Variants in RPTOR observed in about 807,000 individuals in gnomAD.
The protein encoded by RPTOR is regulatory associated protein of MTOR complex 1.
RPTOR carries 21 observed loss-of-function variants against 169.9 expected under a neutral mutation model. The ratio of observed to expected loss-of-function variants is 0.12; its 90% confidence interval spans 0.09 to 0.18. The LOEUF is 0.18. Ranked by LOEUF, RPTOR falls within the 10% of genes least tolerant of loss-of-function variation. The pLI is 1.00. For missense variants in RPTOR, 1,133 were observed against 1,855.9 expected (o/e 0.61, Z 7.16); for synonymous variants, 732 against 753.2 (o/e 0.97, Z 0.46).
chr17:80,840,645 C>T (rs1337822239), intron 10 of RPTOR, among the ~76,000 whole-genome samples: 7 of 83,922 alleles, frequency 8.3e-5, no homozygotes, highest in African/African-American at 2.3e-4. Flanking sequence ...CGCACGGCAG[C>T]TCACTCTCAC....
Position 80,960,088 on chromosome 17 carries a change from C to A in RPTOR, c.3488C>A (p.Thr1163Lys). Residue 1163 changes from threonine to lysine, a missense_variant, in exon 30 of 34, where the codon ACG becomes AAG. Coordinates refer to ENST00000306801, the MANE Select transcript of RPTOR (RefSeq NM_020761.3). The surrounding 1 kb of genome is among the most constrained non-coding windows in gnomAD (Gnocchi z 4.8). ...TGTGTTTGGCTCTAGGACATCCCTA[C>A]GGGCGCAGACAGCTGTGTGACGAGT... ...DREMKVQDIP[T>K]GADSCVTSLS... The A allele has an allele frequency of 6.2e-7, 1 of 1,613,630 alleles. No homozygotes were observed. Among genetic ancestry groups the A allele is most frequent in the Non-Finnish European group, 8.5e-7 (1 of 1,179,978 alleles).
rs11655271 is a variant in RPTOR, at chr17:80,715,586, T to G, written c.507+7587T>G. Reference sequence around the variant, plus strand: ...ATGAATGGATGTTTTTATTTTTATGTTTTTTTTTTTTCAATTTTTTATTTT... The same window carrying G: ...ATGAATGGATGTTTTTATTTTTATGGTTTTTTTTTTTCAATTTTTTATTTT... On this transcript the variant is annotated intron_variant, in intron 4 of 33. Coordinates refer to ENST00000306801, the MANE Select transcript of RPTOR (RefSeq NM_020761.3). Among the ~76,000 whole-genome samples the G allele has an allele frequency of 1.9e-3, 134 of 69,950 alleles. 2 individuals carry two copies. Among genetic ancestry groups the G allele is most frequent in the African/African-American group, 8.2e-3 (74 of 9,004 alleles). 45.9% of individuals were successfully genotyped at this position (69,950 alleles called of 152,430 possible).
At chr17:80,571,302 A>T (rs959451800) in intron 1 of RPTOR, among the ~76,000 whole-genome samples, 1 of 152,096 alleles carries the variant, frequency 6.6e-6, no homozygotes, top group African/African-American at 2.4e-5. Flanking sequence ...TTCTAGTCTG[A>T]TTTGATTTCT....
At chr17:80,718,343 A>G (rs942896246) in intron 4 of RPTOR, among the ~76,000 whole-genome samples, 1 of 152,318 alleles carries the variant, frequency 6.6e-6, no homozygotes, top group South Asian at 2.1e-4. Flanking sequence ...GTCTTGCACT[A>G]TGTTCTACCC....
intron 1 of RPTOR, among the ~76,000 whole-genome samples, chr17:80,565,807 G>C (rs566799556): frequency 6.6e-6 from 1 of 152,250 alleles, no homozygotes; most frequent in Admixed American, 6.5e-5. Context: ...TTTTGTTACA[G>C]TTGAGTAAAC....
At chr17:80,623,447 T>C (rs2065370069) in intron 1 of RPTOR, among the ~76,000 whole-genome samples, 1 of 152,210 alleles carries the variant, frequency 6.6e-6, no homozygotes, top group Non-Finnish European at 1.5e-5. Context: ...AAATTAAAAA[T>C]ACTTTTATTG....
chr17:80,835,688 G>C (rs928150500), intron 9 of RPTOR, among the ~76,000 whole-genome samples: 10 of 152,178 alleles, frequency 6.6e-5, no homozygotes, highest in Admixed American at 4.6e-4. Context: ...TTCGCTTCAG[G>C]CTGTGTGTGT....
Position 80,959,948 on chromosome 17 carries a change from A to G in RPTOR, c.3478-130A>G, listed in dbSNP as rs74001162. 803 of 1,097,086 alleles carry G rather than the reference A, an allele frequency of 7.3e-4. 9 individuals carry two copies. In the African/African-American group the frequency reaches 0.011, roughly 15 times the overall value. The allele number at this position is 1,097,086 out of a possible 1,614,324, so 68.0% of individuals were successfully genotyped here. A position where few individuals can be genotyped will look rare whatever the true frequency, so the allele number is the denominator to read the frequency against. On this transcript the variant is annotated intron_variant, in intron 29 of 33. Coordinates refer to ENST00000306801, the MANE Select transcript of RPTOR (RefSeq NM_020761.3). This position sits in a 1 kb window ranked among gnomAD's most constrained non-coding sequence, Gnocchi z 6.7. ...TTGATGCTTCCCTGGATAGAGAGAA[A>G]GGCCCCTGCAGCCAGGGAGGGTGAT...
At chr17:80,688,259 C>T (rs941923673) in intron 3 of RPTOR, among the ~76,000 whole-genome samples, 7 of 152,180 alleles carry the variant, frequency 4.6e-5, no homozygotes, top group Non-Finnish European at 2.9e-5. Context: ...CCTCTCCACT[C>T]CCTTCACCCC....
chr17:80,656,268 A>G (rs543640987), intron 3 of RPTOR, among the ~76,000 whole-genome samples: 2 of 152,108 alleles, frequency 1.3e-5, no homozygotes, highest in Non-Finnish European at 2.9e-5. Flanking sequence ...ATGGAGTTTC[A>G]CCATGTTGGT....
chr17:80,640,518 G>C (rs969732146), intron 2 of RPTOR, among the ~76,000 whole-genome samples: 1 of 152,216 alleles, frequency 6.6e-6, no homozygotes, highest in African/African-American at 2.4e-5. Context: ...GTGGATAGGC[G>C]GTTATAGTGC....
intron 3 of RPTOR, among the ~76,000 whole-genome samples, chr17:80,674,987 G>A (rs2065852113): frequency 6.6e-6 from 1 of 152,136 alleles, no homozygotes; most frequent in East Asian, 1.9e-4. Context: ...CTAGGACTCA[G>A]TCACCCCTGG....
intron 28 of RPTOR, among the ~76,000 whole-genome samples, chr17:80,950,984 T>G (rs2069168918): frequency 1.3e-5 from 2 of 152,120 alleles, no homozygotes; most frequent in South Asian, 4.1e-4. Flanking sequence ...TCCCTCCCTG[T>G]CCAAGGCTCG....
chr17:80,841,352 G>A (rs111174331), intron 10 of RPTOR, among the ~76,000 whole-genome samples: 11,325 of 62,048 alleles, frequency 0.18, 2,378 homozygotes, highest in African/African-American at 0.51. Flanking sequence ...ACGGCAGCTC[G>A]CTCTCTCTGC....
chr17:80,697,687 G>A (rs1164666553), intron 3 of RPTOR, among the ~76,000 whole-genome samples: 1 of 152,240 alleles, frequency 6.6e-6, no homozygotes, highest in Non-Finnish European at 1.5e-5. Context: ...TAGCCACGGT[G>A]GGAACGTGGT....
chr17:80,667,984 G>A (rs2065793553), intron 3 of RPTOR, among the ~76,000 whole-genome samples: 1 of 152,204 alleles, frequency 6.6e-6, no homozygotes, highest in Non-Finnish European at 1.5e-5. Context: ...ACCTTCAGAT[G>A]GGATTCTGGA....
intron 3 of RPTOR, among the ~76,000 whole-genome samples, chr17:80,700,902 C>G (rs62067889): frequency 0.27 from 40,262 of 151,060 alleles, 7,413 homozygotes; most frequent in African/African-American, 0.53. Flanking sequence ...ATTGATAGCA[C>G]GGATAGAAAG....
chr17:80,744,439 CTACTAGCACTGTCCTGGT>C (rs1567888687), intron 5 of RPTOR, among the ~76,000 whole-genome samples: 159 of 7,798 alleles, frequency 0.02, 1 homozygote, highest in South Asian at 0.037. Context: ...ACAGCCCTGG[CTACTAGCACTGTCCTGGT>C]TACTAGCACA....
intron 20 of RPTOR, among the ~76,000 whole-genome samples, chr17:80,907,761 A>G (rs2068562089): frequency 6.6e-6 from 1 of 151,916 alleles, no homozygotes; most frequent in East Asian, 1.9e-4. Flanking sequence ...TTTATTGTTC[A>G]ATGTCTTAGA....
Sources: gnomAD v4.1 joint callset for allele counts (sites outside exome capture counted in the v4.1 genomes callset) on GRCh38, gnomAD v4.1.1 for gene constraint, Gnocchi (gnomAD v3.1) non-coding constraint, MANE v1.5 for transcripts, NCBI Gene and HGNC (gene_info 2026-07-23, HGNC 2026-07-21) for gene names.